Variants in ANKRD6 observed in about 807,000 individuals in gnomAD.
ANKRD6 encodes ankyrin repeat domain 6, also known as ankyrin repeat domain-containing protein 6.
In ANKRD6, 56 loss-of-function variants were observed where a neutral mutation model predicts 82.3. The observed-to-expected ratio is 0.68, with a 90% CI of 0.55 to 0.85. The LOEUF (loss-of-function observed/expected upper bound fraction) is 0.85. ANKRD6 is among the 40% of genes least tolerant of loss of function. The pLI, the probability that ANKRD6 is intolerant of heterozygous loss-of-function variation, is 0.00. For synonymous variants in ANKRD6, 347 were observed against 352.1 expected, an observed-to-expected ratio of 0.99 and a Z score of 0.16; for missense variants, 852 against 907.6, an observed-to-expected ratio of 0.94 and a Z score of 0.79.
intron 2 of ANKRD6, among the ~76,000 whole-genome samples, chr6:89,588,863 G>T (rs1479815460): frequency 6.6e-6 from 1 of 151,940 alleles, no homozygotes; most frequent in Non-Finnish European, 1.5e-5. Context: ...AAATTAGCTG[G>T]GTGTGGTGGT....
In ANKRD6 at chr6:89,633,792, C is replaced by G. The variant is rs1177508655; in HGVS notation, c.*2788C>G. 6.6e-6 allele frequency: 1 copy of G among 152,130 alleles called. No individual in the cohort carries two copies. Among genetic ancestry groups the G allele is most frequent in the Non-Finnish European group, 1.5e-5 (1 of 68,028 alleles). 9.4% of individuals were successfully genotyped at this position (152,130 alleles called of 1,614,324 possible). A position where few individuals can be genotyped will look rare whatever the true frequency, so the allele number is the denominator to read the frequency against. ...GTGTCTCTTCCAAGCATTAAAGATACTATGGATCTTAAATTCCTTATTAAA... is the reference window on the plus strand; with the variant it reads ...GTGTCTCTTCCAAGCATTAAAGATAGTATGGATCTTAAATTCCTTATTAAA... On this transcript the variant is annotated 3_prime_UTR_variant, in exon 16 of 16. Transcript: ENST00000339746.
chr6:89,614,490 A>C (rs1801009023), intron 7 of ANKRD6, among the ~76,000 whole-genome samples: 1 of 152,150 alleles, frequency 6.6e-6, no homozygotes, highest in Non-Finnish European at 1.5e-5. Flanking sequence ...TACCAAAAAT[A>C]CAAAAATTAG....
intron 5 of ANKRD6, among the ~76,000 whole-genome samples, chr6:89,607,303 C>T (rs925339134): frequency 1.3e-5 from 2 of 148,816 alleles, no homozygotes; most frequent in African/African-American, 2.5e-5. Flanking sequence ...AAAATTTTAC[C>T]GACAAAGATG....
At chr6:89,627,284 T>G (rs1344219241) in intron 13 of ANKRD6, among the ~76,000 whole-genome samples, 1 of 152,232 alleles carries the variant, frequency 6.6e-6, no homozygotes, top group Non-Finnish European at 1.5e-5. Flanking sequence ...TTCAAACTCC[T>G]GACCTCAGGT....
intron 2 of ANKRD6, among the ~76,000 whole-genome samples, chr6:89,587,984 A>G (rs945119150): frequency 1.3e-5 from 2 of 151,986 alleles, no homozygotes; most frequent in Non-Finnish European, 2.9e-5. Flanking sequence ...GAATGTCTTC[A>G]TAACTTTGTC....
chr6:89,473,876 A>G (rs1775752642), intron 1 of ANKRD6, among the ~76,000 whole-genome samples: 1 of 152,092 alleles, frequency 6.6e-6, no homozygotes, highest in Non-Finnish European at 1.5e-5. Flanking sequence ...GCTACTTGGG[A>G]GGCTGGGGCA....
chr6:89,456,641 T>A (rs1773543334), intron 1 of ANKRD6, among the ~76,000 whole-genome samples: 1 of 152,218 alleles, frequency 6.6e-6, no homozygotes, highest in Non-Finnish European at 1.5e-5. Context: ...TATATGAACT[T>A]GTTCTGCCCA....
chr6:89,510,584 G>C, intron 1 of ANKRD6, among the ~76,000 whole-genome samples: 1 of 151,944 alleles, frequency 6.6e-6, no homozygotes, highest in Admixed American at 6.6e-5. Flanking sequence ...ATAATTCTGT[G>C]GGTTTTGGTA....
intron 1 of ANKRD6, among the ~76,000 whole-genome samples, chr6:89,522,123 G>A (rs1781961270): frequency 6.6e-6 from 1 of 152,120 alleles, no homozygotes; most frequent in Non-Finnish European, 1.5e-5. Context: ...GCGCATTATG[G>A]TCCCATCATG....
intron 5 of ANKRD6, among the ~76,000 whole-genome samples, chr6:89,610,677 GTGTTTTTA>G (rs1799997839): frequency 6.6e-6 from 1 of 151,964 alleles, no homozygotes; most frequent in Admixed American, 6.6e-5. Context: ...CTTGAGAGTA[GTGTTTTTA>G]AAACCTGGGC....
chr6:89,543,451 C>T (rs1382248677), intron 1 of ANKRD6, among the ~76,000 whole-genome samples: 1 of 152,170 alleles, frequency 6.6e-6, no homozygotes, highest in Non-Finnish European at 1.5e-5. Flanking sequence ...GTCCCCTGGA[C>T]TCCATAAGCC....
At chr6:89,503,147 T>G (rs1779446089) in intron 1 of ANKRD6, among the ~76,000 whole-genome samples, 3 of 152,182 alleles carry the variant, frequency 2.0e-5, no homozygotes, top group Non-Finnish European at 4.4e-5. Context: ...ACTACTGAAC[T>G]CTCAGGCTGT....
intron 1 of ANKRD6, among the ~76,000 whole-genome samples, chr6:89,506,659 TG>T (rs1247543473): frequency 3.9e-5 from 6 of 152,222 alleles, no homozygotes; most frequent in African/African-American, 1.4e-4. Context: ...TCAACGAAGC[TG>T]GACAAAACAA....
chr6:89,613,796 G>C lies in ANKRD6; in HGVS notation c.521G>C (p.Gly174Ala), dbSNP rs1245971984. The C allele has an allele frequency of 6.2e-7, 1 of 1,613,954 alleles. No individual in the cohort carries two copies. The highest frequency in any genetic ancestry group is 8.5e-7 in the Non-Finnish European group (1 of 1,179,868). ...GAGTTTGATTTTTGTCCGCAGGCAG[G>C]AGACACCTGTTTGCACGTTGCTGCG... ...GSRADLKNNAGDTCLHVAARY... is the reference protein window; with the variant it reads ...GSRADLKNNAADTCLHVAARY... Residue 174 changes from glycine to alanine, a missense_variant, in exon 7 of 16, where the codon GGA becomes GCA. Transcript: ENST00000339746.
At chr6:89,452,566 T>G (rs57121285) in intron 1 of ANKRD6, among the ~76,000 whole-genome samples, 169 of 152,320 alleles carry the variant, frequency 1.1e-3, no homozygotes, top group African/African-American at 3.9e-3. Flanking sequence ...AGGCAAACTG[T>G]TTTACTATTG....
chr6:89,451,934 C>T (rs1485079491), intron 1 of ANKRD6, among the ~76,000 whole-genome samples: 1 of 152,164 alleles, frequency 6.6e-6, no homozygotes, highest in Non-Finnish European at 1.5e-5. Flanking sequence ...TAGTGGCTCA[C>T]ACCTCTAATC....
intron 1 of ANKRD6, among the ~76,000 whole-genome samples, chr6:89,542,270 T>C (rs1001885314): frequency 1.3e-5 from 2 of 152,178 alleles, no homozygotes; most frequent in South Asian, 2.1e-4. Flanking sequence ...GGGACAGGAC[T>C]ACTTCACAAC....
intron 2 of ANKRD6, among the ~76,000 whole-genome samples, chr6:89,580,514 G>A (rs1384819486): frequency 6.6e-6 from 1 of 152,098 alleles, no homozygotes; most frequent in Non-Finnish European, 1.5e-5. Flanking sequence ...TCAAGAGAAC[G>A]CTGGAAGTCA....
chr6:89,605,350 C>T (rs970342171), intron 4 of ANKRD6, among the ~76,000 whole-genome samples: 3 of 152,240 alleles, frequency 2.0e-5, no homozygotes, highest in Non-Finnish European at 4.4e-5. Context: ...CCACTGCACT[C>T]CACTCTAGGT....
Sources: allele counts gnomAD v4.1 joint callset (sites outside exome capture counted in the v4.1 genomes callset), GRCh38; gene constraint gnomAD v4.1.1; transcripts MANE v1.5; gene names NCBI Gene and HGNC (gene_info 2026-07-23, HGNC 2026-07-21).